Variants in JARID2 observed in about 807,000 individuals in gnomAD.
The protein encoded by JARID2 is jumonji and AT-rich interaction domain containing 2.
JARID2 carries 21 observed loss-of-function variants against 125.6 expected under a neutral mutation model. The observed-to-expected ratio is 0.17, with a 90% CI of 0.12 to 0.24. The LOEUF (loss-of-function observed/expected upper bound fraction) is 0.24, where lower values mean the gene tolerates loss of function less well. Ranked by LOEUF, JARID2 falls within the 10% of genes least tolerant of loss-of-function variation. The pLI, the probability that JARID2 is intolerant of heterozygous loss-of-function variation, is 1.00. For missense variants in JARID2, 1,303 were observed against 1,639.6 expected, an observed-to-expected ratio of 0.79 and a Z score of 3.55; for synonymous variants, 736 against 661.6, an observed-to-expected ratio of 1.11 and a Z score of -1.73.
intron 3 of JARID2, among the ~76,000 whole-genome samples, chr6:15,444,375 T>C (rs956439610): frequency 1.3e-5 from 2 of 152,196 alleles, no homozygotes; most frequent in African/African-American, 2.4e-5. Flanking sequence ...TTATTTTCTC[T>C]TTACTGTTCA....
intron 1 of JARID2, among the ~76,000 whole-genome samples, chr6:15,285,579 A>G (rs745660134): frequency 1.7e-4 from 26 of 152,310 alleles, no homozygotes; most frequent in Non-Finnish European, 3.4e-4. Context: ...ATATATATAT[A>G]ACATGAGGTA....
rs1163353183 is a variant in JARID2 at position 15,404,554 on chromosome 6, C to G, written c.182-5670C>G. 2.3e-5 allele frequency among the ~76,000 whole-genome samples: 3 copies of G among 127,996 alleles called. No homozygotes were observed. The East Asian group carries it at 6.4e-4, about 27-fold the overall frequency. The allele number at this position is 127,996 out of a possible 152,430, so 84.0% of individuals were successfully genotyped here. A position where few individuals can be genotyped will look rare whatever the true frequency, so the allele number is the denominator to read the frequency against. The stretch of plus-strand genomic sequence containing the variant: ...ACACACACACACACACACACACACA[C>G]ACACACACACACACACACAGAAATT... On this transcript the variant is annotated intron_variant, in intron 2 of 17. Coordinates refer to ENST00000341776, the MANE Select transcript of JARID2 (RefSeq NM_004973.4).
At chr6:15,433,469 A>G (rs771271356) in intron 3 of JARID2, among the ~76,000 whole-genome samples, 1 of 145,392 alleles carries the variant, frequency 6.9e-6, no homozygotes, top group Admixed American at 7.0e-5. Flanking sequence ...CAGTTTAGGC[A>G]GTCGCTTAGG....
intron 4 of JARID2, among the ~76,000 whole-genome samples, chr6:15,465,543 A>C (rs181444322): frequency 6.6e-6 from 1 of 152,146 alleles, no homozygotes; most frequent in East Asian, 1.9e-4. Context: ...TTGCAACATA[A>C]ACTCAATCCT....
chr6:15,341,185 A>G (rs1763059125), intron 1 of JARID2, among the ~76,000 whole-genome samples: 1 of 152,206 alleles, frequency 6.6e-6, no homozygotes, highest in Admixed American at 6.5e-5. Context: ...GCTGATGGAA[A>G]AGTATAAAAA....
intron 2 of JARID2, among the ~76,000 whole-genome samples, chr6:15,409,299 A>G (rs1237915534): frequency 6.6e-6 from 1 of 152,216 alleles, no homozygotes; most frequent in Non-Finnish European, 1.5e-5. Context: ...TGGCTTCAAG[A>G]TCAAGCACCG....
intron 1 of JARID2, among the ~76,000 whole-genome samples, chr6:15,300,951 A>C (rs1246955454): frequency 6.6e-6 from 1 of 152,200 alleles, no homozygotes; most frequent in African/African-American, 2.4e-5. Context: ...GTTATCAATG[A>C]GTGACTGTTG....
At chr6:15,309,820 G>T (rs546640009) in intron 1 of JARID2, among the ~76,000 whole-genome samples, 1 of 152,230 alleles carries the variant, frequency 6.6e-6, no homozygotes, top group African/African-American at 2.4e-5. Context: ...TTGGCCAGTA[G>T]TGTGTTCCAA....
At chr6:15,503,293 T>C (rs1770830085) in intron 8 of JARID2, among the ~76,000 whole-genome samples, 1 of 152,240 alleles carries the variant, frequency 6.6e-6, no homozygotes, top group South Asian at 2.1e-4. Flanking sequence ...TCCTTTTTTA[T>C]ATTTACAAGA....
chr6:15,388,805 G>C (rs560146094), intron 2 of JARID2, among the ~76,000 whole-genome samples: 6 of 152,154 alleles, frequency 3.9e-5, no homozygotes, highest in African/African-American at 1.4e-4. Context: ...TCCCTGACCT[G>C]TTACTAGTGT....
In JARID2 at chr6:15,520,600, C is replaced by A; in HGVS notation, c.*349C>A. ...TTGGGGGGAAAAAGGCTTTTTAACC[C>A]ATTTTTGAAGAGGGTGAAGTTTGGA... On this transcript the variant is annotated 3_prime_UTR_variant, in exon 18 of 18. Coordinates refer to ENST00000341776, the MANE Select transcript of JARID2 (RefSeq NM_004973.4). 1 of 273,568 alleles carries A rather than the reference C, an allele frequency of 3.7e-6. No homozygotes were observed. The highest frequency in any genetic ancestry group is 7.3e-6 in the Non-Finnish European group (1 of 136,830). 16.9% of individuals were successfully genotyped at this position (273,568 alleles called of 1,614,324 possible).
At chr6:15,285,577 A>G (rs1344447280) in intron 1 of JARID2, among the ~76,000 whole-genome samples, 1 of 152,212 alleles carries the variant, frequency 6.6e-6, no homozygotes, top group East Asian at 1.9e-4. Flanking sequence ...ATATATATAT[A>G]TAACATGAGG....
At chr6:15,280,155 G>A (rs1335058523) in intron 1 of JARID2, among the ~76,000 whole-genome samples, 1 of 152,064 alleles carries the variant, frequency 6.6e-6, no homozygotes, top group African/African-American at 2.4e-5. Context: ...CATTAAAAAA[G>A]GGTAAAATAA....
intron 16 of JARID2, among the ~76,000 whole-genome samples, chr6:15,515,628 T>C (rs1281662238): frequency 1.3e-5 from 2 of 150,750 alleles, no homozygotes; most frequent in African/African-American, 4.9e-5. Flanking sequence ...CTACAAAAAA[T>C]ACAAAAAATT....
chr6:15,387,967 T>A (rs911328534), intron 2 of JARID2, among the ~76,000 whole-genome samples: 3 of 152,136 alleles, frequency 2.0e-5, no homozygotes, highest in African/African-American at 7.2e-5. Context: ...TGACGTGTAA[T>A]AGAATAGAAA....
At chr6:15,489,590 A>T (rs1770048226) in intron 6 of JARID2, among the ~76,000 whole-genome samples, 1 of 152,256 alleles carries the variant, frequency 6.6e-6, no homozygotes, top group South Asian at 2.1e-4. Flanking sequence ...GAAAGAGCTG[A>T]GGAGGAACAG....
intron 2 of JARID2, among the ~76,000 whole-genome samples, chr6:15,392,162 G>C (rs979513179): frequency 6.6e-6 from 1 of 151,892 alleles, no homozygotes; most frequent in African/African-American, 2.4e-5. Flanking sequence ...GATGATTGCT[G>C]TCCTTCCTTT....
At chr6:15,423,426 GGAGGTA>G (rs1483577290) in intron 3 of JARID2, among the ~76,000 whole-genome samples, 1 of 152,206 alleles carries the variant, frequency 6.6e-6, no homozygotes, top group African/African-American at 2.4e-5. Flanking sequence ...GATTAATATA[GGAGGTA>G]GAGTTCAACA....
intron 1 of JARID2, among the ~76,000 whole-genome samples, chr6:15,364,869 A>G (rs1161557387): frequency 6.6e-6 from 1 of 152,190 alleles, no homozygotes; most frequent in African/African-American, 2.4e-5. Context: ...AGTAACTGAA[A>G]TGTGACCAGC....
Sources: gnomAD v4.1 joint callset for allele counts (sites outside exome capture counted in the v4.1 genomes callset) on GRCh38, gnomAD v4.1.1 for gene constraint, MANE v1.5 for transcripts, NCBI Gene and HGNC (gene_info 2026-07-23, HGNC 2026-07-21) for gene names.